ATP2C2: variants seen among roughly 807,000 people sequenced by gnomAD.
ATP2C2 encodes the protein calcium-transporting ATPase type 2C member 2.
In ATP2C2, 171 loss-of-function variants were observed where a neutral mutation model predicts 110.8. The observed-to-expected ratio is 1.54, with a 90% CI of 1.36 to 1.75. ATP2C2 has a LOEUF of 1.75. Among genes scored for constraint, ATP2C2 ranks in the 40% most tolerant of loss-of-function variants. The pLI is 0.00. For missense variants in ATP2C2, 1,963 were observed against 1,235.0 expected, an observed-to-expected ratio of 1.59 and a Z score of -8.84; for synonymous variants, 804 against 508.4, an observed-to-expected ratio of 1.58 and a Z score of -7.82.
At chr16:84,415,020 G>C (rs559234902) in intron 6 of ATP2C2, among the ~76,000 whole-genome samples, 1 of 152,118 alleles carries the variant, frequency 6.6e-6, no homozygotes, top group Non-Finnish European at 1.5e-5. Flanking sequence ...AAGCATATCC[G>C]TAGTCTGAGG....
At chr16:84,402,157 T>G (rs574751708) in intron 2 of ATP2C2, among the ~76,000 whole-genome samples, 1 of 152,358 alleles carries the variant, frequency 6.6e-6, no homozygotes, top group African/African-American at 2.4e-5. Context: ...CTACTGATCT[T>G]TATCATTTGA....
chr16:84,420,623 A>T (rs1451215420), intron 7 of ATP2C2, among the ~76,000 whole-genome samples: 9 of 152,074 alleles, frequency 5.9e-5, no homozygotes, highest in African/African-American at 2.2e-4. Flanking sequence ...ACAACTAAGG[A>T]ACCCATATTG....
chr16:84,415,616 A>G (rs376277132), intron 7 of ATP2C2, 25 bp downstream of exon 7: 20 of 1,578,176 alleles, frequency 1.3e-5, no homozygotes, highest in African/African-American at 5.4e-5. Flanking sequence ...ACCCTTGTCA[A>G]TGGGGTATTT....
At chr16:84,404,772 T>C (rs1347167024) in intron 2 of ATP2C2, 1 of 355,264 alleles carries the variant, frequency 2.8e-6, no homozygotes, top group Non-Finnish European at 5.5e-6. Flanking sequence ...CGCCACACAG[T>C]TTCCATAACA....
At chr16:84,397,745 G>C (rs1597757927) in intron 1 of ATP2C2, among the ~76,000 whole-genome samples, 1 of 149,886 alleles carries the variant, frequency 6.7e-6, no homozygotes, top group Non-Finnish European at 1.5e-5. Flanking sequence ...ATCAACAGGA[G>C]AACAAATACA....
At chr16:84,379,081 G>T (rs1910420804) in intron 1 of ATP2C2, among the ~76,000 whole-genome samples, 1 of 151,674 alleles carries the variant, frequency 6.6e-6, no homozygotes, top group South Asian at 2.1e-4. Context: ...CATCACCCAG[G>T]AATTACGCCC....
At chr16:84,380,629 A>C (rs1245636509) in intron 1 of ATP2C2, among the ~76,000 whole-genome samples, 2 of 152,178 alleles carry the variant, frequency 1.3e-5, no homozygotes, top group African/African-American at 2.4e-5. Flanking sequence ...ATTGTGGTTA[A>C]GAGCACGGAA....
chr16:84,448,597 A>T lies in ATP2C2; in HGVS notation c.1568A>T (p.Tyr523Phe). ...GAGGTGATCCGCTACTGCACCATGT[A>T]CAACAACGGGGGCATCCCCCTGCCG... ...LEEVIRYCTMYNNGGIPLPLT... is the reference protein window; with the variant it reads ...LEEVIRYCTMFNNGGIPLPLT... The change falls in exon 17 of 27, where the codon TAC becomes TTC. Residue 523 changes from tyrosine to phenylalanine, a missense_variant. Physicochemically the swap from Tyr to Phe is conservative, Grantham distance 22. Transcript: ENST00000262429. 6.2e-7 allele frequency: 1 copy of T among 1,614,112 alleles called. No individual in the cohort carries two copies. Among genetic ancestry groups the T allele is most frequent in the African/African-American group, 1.3e-5 (1 of 75,048 alleles).
chr16:84,418,618 G>A (rs1197910477), intron 7 of ATP2C2, among the ~76,000 whole-genome samples: 2 of 152,210 alleles, frequency 1.3e-5, no homozygotes, highest in Non-Finnish European at 2.9e-5. Context: ...ACAGCAGCCC[G>A]CAGAGGTTGC....
rs1055198746 is a variant in ATP2C2 at position 84,452,040 on chromosome 16, G to A, written c.1780G>A (p.Val594Met). 4 of 1,613,806 alleles carry A rather than the reference G, an allele frequency of 2.5e-6. No homozygotes were observed. Among genetic ancestry groups the A allele is most frequent in the African/African-American group, 1.3e-5 (1 of 74,800 alleles). Residue 594 changes from valine (V) to methionine (M), a missense_variant, in exon 18 of 27, where the codon GTG becomes ATG. Physicochemically the swap from Val to Met is conservative, Grantham distance 21. Coordinates refer to ENST00000262429, the MANE Select transcript of ATP2C2 (RefSeq NM_014861.4). ...EAVQVLSESG[V>M]SVKMITGDAL... ...AGTCCAGGTTCTCTCCGAGTCTGGT[G>A]TGTCTGTGAAGATGATAACGGGGGA...
At chr16:84,440,991 C>G in intron 14 of ATP2C2, 33 bp downstream of exon 14, 1 of 1,532,958 alleles carries the variant, frequency 6.5e-7, no homozygotes, top group Non-Finnish European at 9.0e-7. Context: ...GGGAAATAGG[C>G]ATTTACATTG....
At chr16:84,368,822 G>A in intron 1 of ATP2C2, 108 bp downstream of exon 1, 2 of 942,458 alleles carry the variant, frequency 2.1e-6, no homozygotes, top group Non-Finnish European at 1.6e-6. Context: ...CCGCGAACTC[G>A]CCCTCCTCCC....
intron 2 of ATP2C2, chr16:84,404,809 CTT>C (rs35653774): frequency 0.09 from 24,224 of 270,248 alleles, 199 homozygotes; most frequent in African/African-American, 0.12. Context: ...TTCCCAAGAC[CTT>C]TTTTTTTTTT....
intron 11 of ATP2C2, among the ~76,000 whole-genome samples, chr16:84,433,389 CAAA>C (rs1318234882): frequency 1.4e-5 from 2 of 143,828 alleles, no homozygotes; most frequent in East Asian, 3.9e-4. Flanking sequence ...TCTTAAAAAA[CAAA>C]AACAAAAGAA....
chr16:84,452,269 C>G (rs761846771), intron 18 of ATP2C2, among the ~76,000 whole-genome samples, 178 bp downstream of exon 18: 1 of 152,186 alleles, frequency 6.6e-6, no homozygotes, highest in East Asian at 1.9e-4. Context: ...GAGGTGTTCT[C>G]GTTTCTGAAA....
chr16:84,414,464 G>T (rs1437725767), intron 6 of ATP2C2, among the ~76,000 whole-genome samples: 9 of 151,984 alleles, frequency 5.9e-5, no homozygotes, highest in Non-Finnish European at 1.3e-4. Context: ...TAGAAGAAGG[G>T]TGTGTGTGTG....
intron 16 of ATP2C2, 79 bp from the exon 17 acceptor site, chr16:84,448,454 C>A: frequency 1.3e-6 from 2 of 1,489,202 alleles, no homozygotes; most frequent in South Asian, 1.3e-5. Context: ...TCTTTGTAAC[C>A]TTGTGCAGAG....
chr16:84,439,064 AC>A (rs1416835012), intron 11 of ATP2C2, 101 bp from the exon 12 acceptor site: 1 of 1,514,440 alleles, frequency 6.6e-7, no homozygotes, highest in East Asian at 2.3e-5. Flanking sequence ...CACTGGGGAC[AC>A]CTAAGACAAG....
rs894131410 is a variant in ATP2C2, at chr16:84,386,574, T to C, written c.100-11925T>C. Among the ~76,000 whole-genome samples the C allele has an allele frequency of 4.6e-5, 7 of 152,350 alleles. No homozygotes were observed. In the South Asian group the frequency reaches 1.0e-3, roughly 23 times the overall value. On this transcript the variant is annotated intron_variant, in intron 1 of 26. Transcript: ENST00000262429. The stretch of plus-strand genomic sequence containing the variant: ...GGTTCATGCTCCAAGTATCTCACTT[T>C]GTCCTGTTGCTAGCTCCTTGCTCGC...
Sources: allele counts gnomAD v4.1 joint callset (sites outside exome capture counted in the v4.1 genomes callset), GRCh38; gene constraint gnomAD v4.1.1; transcripts MANE v1.5; gene names NCBI Gene and HGNC (gene_info 2026-07-23, HGNC 2026-07-21).